The following DMWD variants were observed in gnomAD, a reference collection of about 807,000 sequenced individuals.
The protein encoded by DMWD is dystrophia myotonica WD repeat-containing protein.
A neutral mutation model predicts 45.8 loss-of-function variants in DMWD; 19 were observed. The ratio of observed to expected loss-of-function variants is 0.41; its 90% CI spans 0.29 to 0.61. The LOEUF (loss-of-function observed/expected upper bound fraction) is 0.61, where lower values mean the gene tolerates loss of function less well. Among genes scored for constraint, DMWD ranks in the 20% least tolerant of loss-of-function variants. The pLI is 0.25. For synonymous variants in DMWD, 515 were observed against 440.5 expected (o/e 1.17, Z -2.12); for missense variants, 802 against 965.2 (o/e 0.83, Z 2.24).
rs201586261 is a variant in DMWD at position 45,786,485 on chromosome 19, G to A, written c.1011C>T (p.Asp337=). The A allele has an allele frequency of 1.7e-5, 28 of 1,612,936 alleles. No individual in the cohort carries two copies. In the East Asian group the frequency reaches 1.8e-4, roughly 10 times the overall value. ...GGLLCVCWSP[D]GRYVVTGGED... The stretch of plus-strand genomic sequence containing the variant: ...CGCCACCCGTCACCACGTAGCGGCC[G>A]TCAGGGCTCCAGCACACACACAGCA... The change falls in exon 3 of 5, where the codon GAC becomes GAT. Residue 337 remains aspartate (D), a synonymous_variant. Coordinates refer to ENST00000270223, the MANE Select transcript of DMWD (RefSeq NM_004943.2).
intron 2 of DMWD, chr19:45,787,098 G>T: frequency 1.3e-6 from 1 of 768,648 alleles, no homozygotes; most frequent in Non-Finnish European, 2.0e-6. Flanking sequence ...GGTGGCCACA[G>T]GGTGCTCCAA....
At chr19:45,787,699 C>CA (rs1004723163) in intron 2 of DMWD, among the ~76,000 whole-genome samples, 25 of 152,314 alleles carry the variant, frequency 1.6e-4, no homozygotes, top group South Asian at 4.1e-4. Context: ...GGTGCTTAGA[C>CA]AAAAAACCTC....
chr19:45,787,196 A>G (rs564893501), intron 2 of DMWD: 4 of 424,132 alleles, frequency 9.4e-6, no homozygotes, highest in South Asian at 2.2e-5. Flanking sequence ...CCTCCGGGCC[A>G]TGGAACAGTA....
At chr19:45,788,087 A>G (rs991918240) in intron 2 of DMWD, among the ~76,000 whole-genome samples, 8 of 152,150 alleles carry the variant, frequency 5.3e-5, no homozygotes, top group East Asian at 1.9e-4. Context: ...AAAATAAAAA[A>G]AAAAGAAAAA....
chr19:45,786,420 C>T lies in DMWD; in HGVS notation c.1076G>A (p.Arg359His), dbSNP rs1489302196. The T allele has an allele frequency of 4.3e-6, 7 of 1,613,284 alleles. No homozygotes were observed. The highest frequency in any genetic ancestry group is 1.3e-5 in the African/African-American group (1 of 74,916). Residue 359 changes from arginine (R) to histidine (H), a missense_variant, in exon 3 of 5, where the codon CGC becomes CAC. Around this residue, in one of 9 missense-constraint regions of DMWD, gnomAD observed 146 missense variants for 212.8 expected, o/e 0.69. Coordinates refer to ENST00000270223, the MANE Select transcript of DMWD (RefSeq NM_004943.2). Reference sequence around the variant, plus strand: ...GTGGCCATGGCCTCGAGCCACCACGCGGCCCTCGGTGAAGGACCACACGGT... The same window carrying T: ...GTGGCCATGGCCTCGAGCCACCACGTGGCCCTCGGTGAAGGACCACACGGT... ...LVTVWSFTEG[R>H]VVARGHGHKS...
rs1298294237 is a variant in DMWD, at chr19:45,786,381, T to C, written c.1115A>G (p.Asn372Ser). ...GGTGTAGGGGTCAAAGGCCACAGCGTTGACCCAGGACTTGTGGCCATGGCC... is the reference window on the plus strand; with the variant it reads ...GGTGTAGGGGTCAAAGGCCACAGCGCTGACCCAGGACTTGTGGCCATGGCC... The part of the protein sequence containing the change: ...ARGHGHKSWV[N>S]AVAFDPYTTR... Residue 372 changes from asparagine (N) to serine (S), a missense_variant, in exon 3 of 5, where the codon AAC (asparagine) becomes AGC (serine). Asn to Ser is a conservative substitution (Grantham distance 46). This residue lies in a region of DMWD where 146 missense variants were observed against 212.8 expected (regional missense o/e 0.69). Transcript: ENST00000270223. 4.3e-6 allele frequency: 7 copies of C among 1,612,930 alleles called. No homozygotes were observed. The Admixed American group carries it at 5.0e-5, about 12-fold the overall frequency.
chr19:45,792,510 C>A lies in DMWD; in HGVS notation c.247G>T (p.Ala83Ser). ...AAGPASSPPP[A>S]GPGPGPALPA... ...AGGGCGGGCCCGGGTCCGGGGCCTG[C>A]GGGCGGCGGGGACGACGCGGGGCCT... is the stretch of plus-strand genomic sequence containing the variant. Residue 83 changes from alanine (A) to serine (S), a missense_variant, in exon 1 of 5, where the codon GCA becomes TCA. Around this residue, in one of 9 missense-constraint regions of DMWD, gnomAD observed 151 missense variants for 128.1 expected, o/e 1.18. Coordinates refer to ENST00000270223, the MANE Select transcript of DMWD (RefSeq NM_004943.2). The A allele has an allele frequency of 1.7e-6, 2 of 1,145,348 alleles. No homozygotes were observed. Among genetic ancestry groups the A allele is most frequent in the Non-Finnish European group, 2.2e-6 (2 of 930,148 alleles). The allele number at this position is 1,145,348 out of a possible 1,614,324, so 70.9% of individuals were successfully genotyped here. A position where few individuals can be genotyped will look rare whatever the true frequency, so the allele number is the denominator to read the frequency against.
Position 45,784,176 on chromosome 19 carries a change from G to A in DMWD, c.*67C>T. ...TCTTGTTAATACGTTGATCTGTGAG[G>A]TCAGCAGGGAGGGTTATGGCTAGGA... On this transcript the variant is annotated 3_prime_UTR_variant, in exon 5 of 5. Coordinates refer to ENST00000270223, the MANE Select transcript of DMWD (RefSeq NM_004943.2). 7.2e-7 allele frequency: 1 copy of A among 1,382,766 alleles called. No homozygotes were observed. The highest frequency in any genetic ancestry group is 2.4e-5 in the East Asian group (1 of 42,500). 85.7% of individuals were successfully genotyped at this position (1,382,766 alleles called of 1,614,324 possible).
intron 2 of DMWD, chr19:45,787,251 AGTG>A (rs1245302036): frequency 6.8e-6 from 2 of 294,246 alleles, no homozygotes; most frequent in Non-Finnish European, 1.3e-5. Context: ...GCAGGAGGTG[AGTG>A]GTGGGCGAGC....
In DMWD at chr19:45,785,834, A is replaced by G. The variant is rs1386840463; in HGVS notation, c.1662T>C (p.Ser554=). Residue 554 remains serine, a synonymous_variant, in exon 3 of 5, where the codon AGT becomes AGC. Transcript: ENST00000270223. The stretch of plus-strand genomic sequence containing the variant: ...TCTCCCCACCACTGCCACTGCCGCC[A>G]CTGCCACCCCGGCTGATGTTGCCCA... ...HSLGNISRGG[S]GGSGSGGEKP... is the part of the protein sequence containing the mutation. The G allele has an allele frequency of 2.5e-6, 4 of 1,610,874 alleles. No individual in the cohort carries two copies. In the African/African-American group the frequency reaches 4.0e-5, roughly 16 times the overall value.
chr19:45,788,099 T>A (rs950047002), intron 2 of DMWD, among the ~76,000 whole-genome samples: 1 of 151,116 alleles, frequency 6.6e-6, no homozygotes, highest in South Asian at 2.1e-4. Context: ...AAAGAAAAAA[T>A]ACACCCAGAA....
At chr19:45,788,300 C>G (rs1970309408) in intron 2 of DMWD, among the ~76,000 whole-genome samples, 1 of 152,338 alleles carries the variant, frequency 6.6e-6, no homozygotes, top group African/African-American at 2.4e-5. Context: ...GGTTCCAGAG[C>G]CTGAGGCCCT....
In DMWD at chr19:45,786,094, T is replaced by A. The variant is rs1428583546; in HGVS notation, c.1402A>T (p.Thr468Ser). ...RTRTLPGTPG[T>S]TPPAASSSRG... ...GAGCTGCTGGCGGCCGGTGGCGTGG[T>A]GCCAGGTGTGCCAGGGAGGGTGCGG... Residue 468 changes from threonine (T) to serine (S), a missense_variant, in exon 3 of 5, where the codon ACC becomes TCC. Physicochemically the swap from Thr to Ser is moderately conservative, Grantham distance 58. Transcript: ENST00000270223. 10 of 1,520,224 alleles carry A rather than the reference T, an allele frequency of 6.6e-6. No individual in the cohort carries two copies. The highest frequency in any genetic ancestry group is 1.4e-5 in the African/African-American group (1 of 72,532). The allele number at this position is 1,520,224 out of a possible 1,614,324, so 94.2% of individuals were successfully genotyped here. A position where few individuals can be genotyped will look rare whatever the true frequency, so the allele number is the denominator to read the frequency against.
chr19:45,792,714 CG>C lies in DMWD; in HGVS notation c.42del (p.Ala15ProfsTer196). ...TTAATCTCCGCGCAGTCCCCCATGG[CG>C]GCGCCGGGGCCCGAGCCGCCCTCCG... ...GGAEGGSGPG[A>X]AMGDCAEIKS... On this transcript the variant is annotated frameshift_variant, in exon 1 of 5. Coordinates refer to ENST00000270223, the MANE Select transcript of DMWD (RefSeq NM_004943.2). LOFTEE classifies it high-confidence loss of function. 1 of 1,218,190 alleles carries C rather than the reference CG, an allele frequency of 8.2e-7. No homozygotes were observed. The highest frequency in any genetic ancestry group is 1.0e-6 in the Non-Finnish European group (1 of 962,088). The allele number at this position is 1,218,190 out of a possible 1,614,324, so 75.5% of individuals were successfully genotyped here.
rs1970266310 is a variant in DMWD, at chr19:45,785,945, T to C, written c.1551A>G (p.Pro517=). ...GPGVAAEPGT[P]FSIGRFATLT... ...GCGTGGCGAAGCGGCCAATGCTGAA[T>C]GGTGTGCCAGGCTCTGCCGCCACAC... Residue 517 remains proline, a synonymous_variant, in exon 3 of 5, where the codon CCA becomes CCG. Transcript: ENST00000270223. 6.3e-7 allele frequency: 1 copy of C among 1,595,196 alleles called. No homozygotes were observed. Among genetic ancestry groups the C allele is most frequent in the African/African-American group, 1.3e-5 (1 of 74,530 alleles).
chr19:45,785,662 G>C lies in DMWD; in HGVS notation c.1834C>G (p.Leu612Val). The change falls in exon 3 of 5, where the codon CTG becomes GTG. Residue 612 changes from leucine (L) to valine (V), a missense_variant. Around this residue, in one of 9 missense-constraint regions of DMWD, gnomAD observed 303 missense variants for 332.9 expected, o/e 0.91. Coordinates refer to ENST00000270223, the MANE Select transcript of DMWD (RefSeq NM_004943.2). ...CAGGCAGTGATGATGCAGTCCTCCA[G>C]GAACAGGAGGACTGTGAGCCGCTCC... ...AQERLTVLLFLEDCIITACQE... is the reference protein window; with the variant it reads ...AQERLTVLLFVEDCIITACQE... 1 of 1,575,574 alleles carries C rather than the reference G, an allele frequency of 6.3e-7. No individual in the cohort carries two copies. Among genetic ancestry groups the C allele is most frequent in the South Asian group, 1.2e-5 (1 of 86,456 alleles).
chr19:45,783,605 A>AG lies in DMWD; in HGVS notation c.*637dup, dbSNP rs1970215189. The AG allele has an allele frequency of 2.5e-6, 1 of 398,722 alleles. No homozygotes were observed. The highest frequency in any genetic ancestry group is 4.4e-6 in the Non-Finnish European group (1 of 226,230). 24.7% of individuals were successfully genotyped at this position (398,722 alleles called of 1,614,324 possible). On this transcript the variant is annotated 3_prime_UTR_variant, in exon 5 of 5. Transcript: ENST00000270223. The stretch of plus-strand genomic sequence containing the variant: ...GGCTCCGGCTTTTCCTGCTATGAAA[A>AG]GGGGTGGGAGGCGCTGGGCTGGGAG...
In DMWD at chr19:45,785,751, G is replaced by A. The variant is rs146577305; in HGVS notation, c.1745C>T (p.Ala582Val). 0.022 allele frequency: 35,194 copies of A among 1,610,422 alleles called. 442 individuals carry two copies. Among genetic ancestry groups the A allele is most frequent in the Non-Finnish European group, 0.026 (30,869 of 1,178,378 alleles). The change falls in exon 3 of 5, where the codon GCG (alanine) becomes GTG (valine). Residue 582 changes from alanine to valine, a missense_variant. Ala to Val is a moderately conservative substitution (Grantham distance 64, BLOSUM62 0). Transcript: ENST00000270223. ...CACCTCGTGGATGCGCGGGCACAGC[G>A]CAGTGCCCAGCACCTTGGCGGGGTC... ...RLDPAKVLGTALCPRIHEVPL... is the reference protein window; with the variant it reads ...RLDPAKVLGTVLCPRIHEVPL...
At chr19:45,785,552 G>C (rs1045597203) in intron 3 of DMWD, 42 bp downstream of exon 3, 1 of 1,435,900 alleles carries the variant, frequency 7.0e-7, no homozygotes, top group Non-Finnish European at 9.2e-7. Flanking sequence ...TCCCACGAAA[G>C]GTCCTGCCAG....
Sources: gnomAD v4.1 joint callset for allele counts (sites outside exome capture counted in the v4.1 genomes callset) on GRCh38, gnomAD v4.1.1 for gene constraint, gnomAD v4.1.1 regional missense constraint, MANE v1.5 for transcripts, NCBI Gene and HGNC (gene_info 2026-07-23, HGNC 2026-07-21) for gene names.